Variants in CLNK observed in about 807,000 individuals in gnomAD.
CLNK encodes cytokine dependent hematopoietic cell linker, also known as cytokine-dependent hematopoietic cell linker.
A neutral mutation model predicts 68.6 loss-of-function variants in CLNK; 74 were observed. That is an observed-to-expected ratio of 1.08 (90% CI 0.89 to 1.31). The LOEUF is 1.31. CLNK is among the 50% of genes most tolerant of loss of function. The pLI, the probability that CLNK is intolerant of heterozygous loss-of-function variation, is 0.00. For synonymous variants in CLNK, 198 were observed against 172.2 expected (o/e 1.15, Z -1.17); for missense variants, 553 against 515.3 (o/e 1.07, Z -0.71).
chr4:10,572,703 G>A (rs758518445), intron 4 of CLNK, among the ~76,000 whole-genome samples: 65 of 152,128 alleles, frequency 4.3e-4, no homozygotes, highest in Non-Finnish European at 9.1e-4. Context: ...TTCTTCCTTT[G>A]GCTGCCAAGA....
chr4:10,711,658 T>G, the CLNK span, among the ~76,000 whole-genome samples: 1 of 152,110 alleles, frequency 6.6e-6, no homozygotes, highest in Non-Finnish European at 1.5e-5. Flanking sequence ...GGTGGAGGAG[T>G]GTCCAACTCA....
chr4:10,597,888 T>C (rs1230813281), intron 3 of CLNK, 90 bp downstream of exon 3: 9 of 858,428 alleles, frequency 1.0e-5, no homozygotes, highest in African/African-American at 3.4e-5. Context: ...TTCCATCACA[T>C]TGACAATTTT....
rs112644776 is a variant in CLNK at position 10,545,985 on chromosome 4, C to T, written c.446-3705G>A. On this transcript the variant is annotated intron_variant, in intron 8 of 18. Transcript: ENST00000226951. ...CTGTGGGCAGTGAGCTGGTAGACAGCGCCCCAGTCCTATCCCCTGAAACCT... is the reference window on the plus strand; with the variant it reads ...CTGTGGGCAGTGAGCTGGTAGACAGTGCCCCAGTCCTATCCCCTGAAACCT... Among the ~76,000 whole-genome samples the T allele has an allele frequency of 3.6e-3, 552 of 152,270 alleles. 5 individuals carry two copies. Among genetic ancestry groups the T allele is most frequent in the Non-Finnish European group, 6.8e-3 (462 of 68,022 alleles).
the CLNK span, among the ~76,000 whole-genome samples, chr4:10,733,989 A>G: frequency 6.6e-6 from 1 of 152,198 alleles, no homozygotes; most frequent in East Asian, 1.9e-4. Flanking sequence ...AGAGATACAT[A>G]TCTTTTTCTT....
At chr4:10,525,739 A>G (rs753668209) in intron 14 of CLNK, 102 bp downstream of exon 14, 3 of 665,472 alleles carry the variant, frequency 4.5e-6, no homozygotes, top group East Asian at 2.8e-5. Flanking sequence ...TTCAGAAACA[A>G]AGACTTTCGT....
chr4:10,648,700 G>A (rs1723613777), intron 2 of CLNK, among the ~76,000 whole-genome samples: 1 of 152,148 alleles, frequency 6.6e-6, no homozygotes, highest in Non-Finnish European at 1.5e-5. Flanking sequence ...GAGAAAATGA[G>A]GGCTCTGGCT....
chr4:10,532,222 CT>C, intron 12 of CLNK, 33 bp downstream of exon 12: 1 of 1,573,358 alleles, frequency 6.4e-7, no homozygotes, highest in South Asian at 1.1e-5. Context: ...TCAAAATTCC[CT>C]TCTTTGCTTC....
intron 1 of CLNK, among the ~76,000 whole-genome samples, chr4:10,669,648 C>T (rs541221738): frequency 4.6e-5 from 7 of 152,276 alleles, no homozygotes; most frequent in African/African-American, 1.7e-4. Context: ...GGGATCTGAA[C>T]TTCAACTGTG....
At chr4:10,694,664 G>A in the CLNK span, among the ~76,000 whole-genome samples, 1 of 152,088 alleles carries the variant, frequency 6.6e-6, no homozygotes. Context: ...GCACAACTAT[G>A]AAATCACCTA....
chr4:10,583,922 AG>A (rs1720878344), intron 4 of CLNK, among the ~76,000 whole-genome samples: 1 of 152,196 alleles, frequency 6.6e-6, no homozygotes, highest in Admixed American at 6.5e-5. Context: ...CTTCATTCCC[AG>A]GTACCACCCC....
chr4:10,626,223 G>T (rs1722669675), intron 2 of CLNK, among the ~76,000 whole-genome samples: 2 of 152,222 alleles, frequency 1.3e-5, no homozygotes, highest in African/African-American at 2.4e-5. Context: ...TGCTGCATCT[G>T]TGGAGTGAGG....
chr4:10,646,068 GAAAT>G lies in CLNK; in HGVS notation c.11+21787_11+21790del, dbSNP rs570789383. ...TTATGAATGGAAGAAAGCCTGGAAA[GAAAT>G]AACACCAAAATGTTAACAATGGTGG... On this transcript the variant is annotated intron_variant, in intron 2 of 18. Transcript: ENST00000226951. Among the ~76,000 whole-genome samples the G allele has an allele frequency of 1.6e-3, 249 of 152,252 alleles. 1 individual carries two copies. Among genetic ancestry groups the G allele is most frequent in the Admixed American group, 4.8e-3 (73 of 15,292 alleles).
rs967734724 is a variant in CLNK, at chr4:10,495,831, A to C, written c.1141-5218T>G. Among the ~76,000 whole-genome samples the C allele has an allele frequency of 7.2e-5, 11 of 151,788 alleles. 1 individual carries two copies. The highest frequency in any genetic ancestry group is 3.4e-3 in the Middle Eastern group (1 of 294). On this transcript the variant is annotated intron_variant, in intron 18 of 18. Coordinates refer to ENST00000226951, the MANE Select transcript of CLNK (RefSeq NM_052964.4). ...GAGAAGGTCACGTGACCATAGAGAG[A>C]GAGAGATGAGGAGAAGGTCACGTGA...
chr4:10,679,569 T>G (rs1725011895), intron 1 of CLNK, among the ~76,000 whole-genome samples: 1 of 151,746 alleles, frequency 6.6e-6, no homozygotes, highest in Non-Finnish European at 1.5e-5. Flanking sequence ...ACCATCAGAG[T>G]GAACAGGCAA....
intron 1 of CLNK, among the ~76,000 whole-genome samples, chr4:10,680,030 G>T (rs537294817): frequency 3.9e-5 from 6 of 152,032 alleles, no homozygotes; most frequent in Non-Finnish European, 5.9e-5. Context: ...TATACCCAAA[G>T]GATTATAAAT....
chr4:10,632,934 G>A (rs138607177), intron 2 of CLNK, among the ~76,000 whole-genome samples: 180 of 152,270 alleles, frequency 1.2e-3, no homozygotes, highest in Non-Finnish European at 1.8e-3. Flanking sequence ...TTTTGAGACA[G>A]AGAAAAGATA....
the CLNK span, among the ~76,000 whole-genome samples, chr4:10,715,268 G>A: frequency 6.6e-6 from 1 of 152,106 alleles, no homozygotes. Flanking sequence ...GCCCAACAGT[G>A]TTTGAGAAAC....
intron 15 of CLNK, among the ~76,000 whole-genome samples, chr4:10,518,418 T>A (rs1274999001): frequency 6.6e-6 from 1 of 152,054 alleles, no homozygotes; most frequent in East Asian, 1.9e-4. Flanking sequence ...ATTAGAAAAA[T>A]TTAATTTACC....
chr4:10,728,696 C>A, the CLNK span, among the ~76,000 whole-genome samples: 1 of 149,668 alleles, frequency 6.7e-6, no homozygotes, highest in Non-Finnish European at 1.5e-5. Flanking sequence ...TCACACTGTT[C>A]TCCTGCCTCA....
Sources: allele counts gnomAD v4.1 joint callset (sites outside exome capture counted in the v4.1 genomes callset), GRCh38; gene constraint gnomAD v4.1.1; transcripts MANE v1.5; gene names NCBI Gene and HGNC (gene_info 2026-07-23, HGNC 2026-07-21).